Variants in EXOC6B observed in about 807,000 individuals in gnomAD.
EXOC6B encodes exocyst complex component 6B.
A neutral mutation model predicts 113.5 loss-of-function variants in EXOC6B; 54 were observed. The observed-to-expected ratio is 0.48, with a 90% CI of 0.38 to 0.60. EXOC6B has a LOEUF of 0.60. Ranked by LOEUF, EXOC6B falls within the 20% of genes least tolerant of loss-of-function variation. The pLI, the probability that EXOC6B is intolerant of heterozygous loss-of-function variation, is 0.00. For synonymous variants in EXOC6B, 357 were observed against 339.0 expected, an observed-to-expected ratio of 1.05 and a Z score of -0.58; for missense variants, 797 against 977.5, an observed-to-expected ratio of 0.82 and a Z score of 2.46.
chr2:72,334,871 C>T (rs1688599731), intron 20 of EXOC6B, 76 bp downstream of exon 20: 4 of 1,408,214 alleles, frequency 2.8e-6, no homozygotes, highest in Middle Eastern at 3.5e-4. Context: ...CCTCCCTTCC[C>T]CTTTTCCTTA....
At chr2:72,181,858 C>A (rs1435696339) in intron 21 of EXOC6B, among the ~76,000 whole-genome samples, 1 of 152,198 alleles carries the variant, frequency 6.6e-6, no homozygotes, top group African/African-American at 2.4e-5. Flanking sequence ...AAAGTCAGCC[C>A]TCCCACCTTC....
At chr2:72,227,410 T>C (rs377111413) in intron 20 of EXOC6B, among the ~76,000 whole-genome samples, 49 of 152,274 alleles carry the variant, frequency 3.2e-4, no homozygotes, top group African/African-American at 1.2e-3. Flanking sequence ...ATAAAATTTC[T>C]AAACTTGTAC....
At chr2:72,541,056 C>T (rs771370866) in intron 8 of EXOC6B, among the ~76,000 whole-genome samples, 27 of 152,140 alleles carry the variant, frequency 1.8e-4, no homozygotes, top group Non-Finnish European at 3.5e-4. Flanking sequence ...GAATTCCCAC[C>T]TTTTGTGGGA....
intron 18 of EXOC6B, among the ~76,000 whole-genome samples, chr2:72,420,846 CCCA>C (rs1463530240): frequency 4.6e-5 from 7 of 152,188 alleles, no homozygotes; most frequent in Non-Finnish European, 8.8e-5. Flanking sequence ...AATTTACACT[CCCA>C]CCAACAACGT....
chr2:72,422,151 G>A (rs918989199), intron 18 of EXOC6B, among the ~76,000 whole-genome samples: 2 of 152,176 alleles, frequency 1.3e-5, no homozygotes, highest in African/African-American at 4.8e-5. Context: ...TCCCCAACGA[G>A]CACCACCCCC....
chr2:72,296,505 A>G (rs1255531072), intron 20 of EXOC6B, among the ~76,000 whole-genome samples: 1 of 152,328 alleles, frequency 6.6e-6, no homozygotes, highest in Non-Finnish European at 1.5e-5. Context: ...TTAGATGGAG[A>G]GTAGAGCAGA....
intron 20 of EXOC6B, among the ~76,000 whole-genome samples, chr2:72,334,249 G>A (rs868637896): frequency 2.1e-4 from 32 of 151,816 alleles, no homozygotes; most frequent in Non-Finnish European, 1.9e-4. Context: ...AACCACCAAG[G>A]CCTACCAACC....
intron 19 of EXOC6B, among the ~76,000 whole-genome samples, chr2:72,357,535 A>G (rs746034801): frequency 6.6e-6 from 1 of 152,112 alleles, no homozygotes; most frequent in Non-Finnish European, 1.5e-5. Flanking sequence ...TAAAAAAAAT[A>G]CAAAAATTAG....
chr2:72,463,537 C>G (rs1056733561), intron 18 of EXOC6B: 2 of 151,718 alleles, frequency 1.3e-5, no homozygotes, highest in Non-Finnish European at 2.9e-5. Context: ...CAGAGACTAA[C>G]TACTAGGGGG....
chr2:72,784,774 C>T (rs555095928), intron 1 of EXOC6B, among the ~76,000 whole-genome samples: 1 of 152,280 alleles, frequency 6.6e-6, no homozygotes, highest in Admixed American at 6.5e-5. Flanking sequence ...GGTGGGGACA[C>T]AGCCAAACCA....
Position 72,594,133 on chromosome 2 carries a change from C to G in EXOC6B, c.670-18465G>C, listed in dbSNP as rs62150265. ...ATAGTTGGGACCACAGGGGCATGCA[C>G]GCACGCCTGGCTAATTTTTTTAAAT... On this transcript the variant is annotated intron_variant, in intron 6 of 21. Transcript: ENST00000272427. Among the ~76,000 whole-genome samples, 7 of 152,152 alleles carry G rather than the reference C, an allele frequency of 4.6e-5. No homozygotes were observed. In the South Asian group the frequency reaches 1.5e-3, roughly 32 times the overall value.
At chr2:72,700,808 A>C (rs891061454) in intron 6 of EXOC6B, among the ~76,000 whole-genome samples, 2 of 152,136 alleles carry the variant, frequency 1.3e-5, no homozygotes, top group Admixed American at 1.3e-4. Context: ...AAAATTAGCC[A>C]GGCATGATGG....
At chr2:72,707,415 T>C (rs558828866) in intron 6 of EXOC6B, among the ~76,000 whole-genome samples, 1 of 149,486 alleles carries the variant, frequency 6.7e-6, no homozygotes, top group Admixed American at 6.6e-5. Context: ...GTCATTTTTC[T>C]TTTCTTTTTT....
chr2:72,291,648 T>G (rs757324120), intron 20 of EXOC6B, among the ~76,000 whole-genome samples: 1 of 152,198 alleles, frequency 6.6e-6, no homozygotes, highest in Non-Finnish European at 1.5e-5. Flanking sequence ...ACCATATTTA[T>G]GTTGATGCCA....
chr2:72,805,556 T>C (rs1315723639), intron 1 of EXOC6B, among the ~76,000 whole-genome samples: 1 of 152,198 alleles, frequency 6.6e-6, no homozygotes, highest in African/African-American at 2.4e-5. Context: ...AACATGATGT[T>C]TTGATATATG....
At chr2:72,786,479 C>G (rs192995813) in intron 1 of EXOC6B, among the ~76,000 whole-genome samples, 1 of 152,272 alleles carries the variant, frequency 6.6e-6, no homozygotes, top group East Asian at 1.9e-4. Context: ...TGCAATGTCA[C>G]TTGTACTATG....
chr2:72,605,285 C>CA (rs777656180), intron 6 of EXOC6B, among the ~76,000 whole-genome samples: 2,618 of 104,572 alleles, frequency 0.025, 80 homozygotes, highest in African/African-American at 0.071. Context: ...CTCTGTCTCC[C>CA]AAAAAAAAAA....
chr2:72,353,382 G>C (rs527573889), intron 19 of EXOC6B, among the ~76,000 whole-genome samples: 4 of 151,750 alleles, frequency 2.6e-5, no homozygotes, highest in Non-Finnish European at 5.9e-5. Flanking sequence ...GTATTGTATC[G>C]TATTTTTGAG....
intron 6 of EXOC6B, among the ~76,000 whole-genome samples, chr2:72,596,233 A>G (rs1367706640): frequency 6.6e-6 from 1 of 152,224 alleles, no homozygotes; most frequent in Non-Finnish European, 1.5e-5. Flanking sequence ...TCTCAGATCC[A>G]TCAGAGAATT....
Sources: allele counts gnomAD v4.1 joint callset (sites outside exome capture counted in the v4.1 genomes callset), GRCh38; gene constraint gnomAD v4.1.1; transcripts MANE v1.5; gene names NCBI Gene and HGNC (gene_info 2026-07-23, HGNC 2026-07-21).